Variants in IL1RAPL1 observed in about 807,000 individuals in gnomAD.
IL1RAPL1 encodes the protein interleukin-1 receptor accessory protein-like 1.
IL1RAPL1 carries 3 observed loss-of-function variants against 48.4 expected under a neutral mutation model. The observed-to-expected ratio is 0.06, with a 90% CI of 0.03 to 0.16. IL1RAPL1 has a LOEUF of 0.16. IL1RAPL1 is among the 10% of genes least tolerant of loss of function. IL1RAPL1 has a pLI of 1.00. For missense variants in IL1RAPL1, 349 were observed against 530.6 expected, an observed-to-expected ratio of 0.66 and a Z score of 3.36; for synonymous variants, 185 against 187.7, an observed-to-expected ratio of 0.99 and a Z score of 0.12.
At chrX:29,663,052 G>A (rs150047127) in intron 5 of IL1RAPL1, among the ~76,000 whole-genome samples, 10,373 of 111,935 alleles carry the variant, frequency 0.093, 395 homozygotes, top group Middle Eastern at 0.21. Flanking sequence ...ATGAGATTGT[G>A]TTTACATTCT....
chrX:28,720,633 G>T (rs780707568), intron 1 of IL1RAPL1, among the ~76,000 whole-genome samples: 12 of 111,207 alleles, frequency 1.1e-4, no homozygotes, highest in Non-Finnish European at 2.1e-4. Flanking sequence ...TAAGTTCTAG[G>T]GTACATATGC....
intron 6 of IL1RAPL1, among the ~76,000 whole-genome samples, chrX:29,904,811 T>C (rs1289375002): frequency 1.8e-5 from 2 of 112,226 alleles, no homozygotes; most frequent in African/African-American, 3.2e-5. Flanking sequence ...TTTGCTATTG[T>C]AAATAGTGCT....
chrX:29,953,673 A>T (rs1933357731), intron 9 of IL1RAPL1, among the ~76,000 whole-genome samples: 2 of 111,833 alleles, frequency 1.8e-5, no homozygotes, highest in Admixed American at 1.9e-4. Flanking sequence ...TTTTAATAAT[A>T]TTCTCCATCC....
chrX:29,388,106 C>CAAAAAAAAAA (rs71862742), intron 3 of IL1RAPL1, among the ~76,000 whole-genome samples: 20 of 51,695 alleles, frequency 3.9e-4, no homozygotes, highest in Admixed American at 6.0e-4. Context: ...AAGGTTAAGC[C>CAAAAAAAAAA]AAAAAAAAAA....
intron 6 of IL1RAPL1, among the ~76,000 whole-genome samples, chrX:29,709,079 C>T (rs1927272406): frequency 8.9e-6 from 1 of 111,813 alleles, no homozygotes; most frequent in Non-Finnish European, 1.9e-5. Context: ...TGTTTTCCTG[C>T]TGTTGAGTTG....
intron 1 of IL1RAPL1, among the ~76,000 whole-genome samples, chrX:28,737,557 C>T (rs996495271): frequency 9.0e-6 from 1 of 111,166 alleles, no homozygotes; most frequent in African/African-American, 3.3e-5. Context: ...TGTGCTCAGC[C>T]AGCCCTGAAT....
chrX:29,840,538 A>G (rs1476445651), intron 6 of IL1RAPL1, among the ~76,000 whole-genome samples: 1 of 112,271 alleles, frequency 8.9e-6, no homozygotes, highest in African/African-American at 3.2e-5. Context: ...ATTTCACCAA[A>G]ATACACTTCT....
chrX:29,461,667 A>G (rs1015378462), intron 5 of IL1RAPL1, among the ~76,000 whole-genome samples: 2 of 112,026 alleles, frequency 1.8e-5, no homozygotes, highest in Non-Finnish European at 3.8e-5. Context: ...ATACAATGGC[A>G]TGCTACTCTC....
At chrX:29,232,825 G>A (rs62586247) in intron 2 of IL1RAPL1, among the ~76,000 whole-genome samples, 39,827 of 109,271 alleles carry the variant, frequency 0.36, 7,057 homozygotes, top group Non-Finnish European at 0.54. Flanking sequence ...TGAGGCAAGT[G>A]TCTTGCTCTG....
At chrX:29,783,554 A>C (rs1025999309) in intron 6 of IL1RAPL1, among the ~76,000 whole-genome samples, 1 of 111,941 alleles carries the variant, frequency 8.9e-6, no homozygotes, top group African/African-American at 3.3e-5. Flanking sequence ...TAGTCTGGGA[A>C]AAAGTGAAGA....
chrX:29,478,212 T>A (rs1934998644), intron 5 of IL1RAPL1, among the ~76,000 whole-genome samples: 1 of 112,330 alleles, frequency 8.9e-6, no homozygotes, highest in Non-Finnish European at 1.9e-5. Flanking sequence ...CCTTCACACC[T>A]GCTCCTTTTA....
intron 5 of IL1RAPL1, among the ~76,000 whole-genome samples, chrX:29,515,868 T>C (rs1350207991): frequency 9.0e-6 from 1 of 111,225 alleles, no homozygotes; most frequent in Non-Finnish European, 1.9e-5. Context: ...TGTATTTTTG[T>C]AGAGATAGGG....
chrX:29,028,035 A>G lies in IL1RAPL1; in HGVS notation c.82+238610A>G, dbSNP rs145692856. Among the ~76,000 whole-genome samples the G allele has an allele frequency of 5.6e-3, 612 of 109,831 alleles. 2 individuals are homozygous for G. Among genetic ancestry groups the G allele is most frequent in the Middle Eastern group, 0.033 (7 of 213 alleles). ...ATATGATGTTTTCAAATATGTATCC[A>G]TAGTGGAATGGCTCAGTCAAGCTAA... On this transcript the variant is annotated intron_variant, in intron 2 of 10. Coordinates refer to ENST00000378993, the MANE Select transcript of IL1RAPL1 (RefSeq NM_014271.4).
At chrX:29,839,694 T>A (rs953347843) in intron 6 of IL1RAPL1, among the ~76,000 whole-genome samples, 26 of 112,233 alleles carry the variant, frequency 2.3e-4, no homozygotes, top group African/African-American at 8.4e-4. Flanking sequence ...TGGGAGAGGA[T>A]CACTTGAGGC....
chrX:29,196,498 A>G (rs966514820), intron 2 of IL1RAPL1, among the ~76,000 whole-genome samples: 1 of 112,046 alleles, frequency 8.9e-6, no homozygotes, highest in Non-Finnish European at 1.9e-5. Context: ...ATTTGGTCTT[A>G]TCCATACAAA....
chrX:29,780,089 C>A (rs778239200), intron 6 of IL1RAPL1, among the ~76,000 whole-genome samples: 2 of 111,383 alleles, frequency 1.8e-5, no homozygotes, highest in South Asian at 7.5e-4. Context: ...TAAAAAAAAT[C>A]TACACGGATC....
rs114601150 is a variant in IL1RAPL1, at chrX:28,998,773, G to T, written c.82+209348G>T. Among the ~76,000 whole-genome samples, 913 of 112,080 alleles carry T rather than the reference G, an allele frequency of 8.1e-3. 10 individuals are homozygous for T. The highest frequency in any genetic ancestry group is 0.028 in the African/African-American group (872 of 30,912). On this transcript the variant is annotated intron_variant, in intron 2 of 10. Coordinates refer to ENST00000378993, the MANE Select transcript of IL1RAPL1 (RefSeq NM_014271.4). ...TTAATGGCTATGATGTATCTTTTCT[G>T]TTGTGTGTGAAACATGCAGTGTTCT...
intron 8 of IL1RAPL1, among the ~76,000 whole-genome samples, chrX:29,926,763 C>T (rs775308594): frequency 5.4e-4 from 60 of 111,424 alleles, no homozygotes; most frequent in Non-Finnish European, 8.5e-4. Flanking sequence ...TACAACCTTC[C>T]TCAGTTATGA....
intron 5 of IL1RAPL1, among the ~76,000 whole-genome samples, chrX:29,528,345 G>C (rs1369668203): frequency 2.7e-5 from 3 of 112,370 alleles, no homozygotes; most frequent in Admixed American, 9.4e-5. Context: ...ATCTCTTGAT[G>C]AACTAATATT....
Sources: allele counts gnomAD v4.1 joint callset (sites outside exome capture counted in the v4.1 genomes callset), GRCh38; gene constraint gnomAD v4.1.1; transcripts MANE v1.5; gene names NCBI Gene and HGNC (gene_info 2026-07-23, HGNC 2026-07-21).